GLYR1: variants seen among roughly 807,000 people sequenced by gnomAD.
GLYR1 encodes the protein glyoxylate reductase 1 homolog, also known as cytokine-like nuclear factor N-PAC.
A neutral mutation model predicts 72.7 loss-of-function variants in GLYR1; 21 were observed. That is an observed-to-expected ratio of 0.29 (90% CI 0.20 to 0.42). The LOEUF is 0.42. GLYR1 is among the 10% of genes least tolerant of loss of function. The pLI is 1.00. For synonymous variants in GLYR1, 392 were observed against 270.2 expected (o/e 1.45, Z -4.42); for missense variants, 594 against 712.1 (o/e 0.83, Z 1.89).
At chr16:4,806,307 G>T (rs1028445428) in intron 15 of GLYR1, among the ~76,000 whole-genome samples, 1 of 152,146 alleles carries the variant, frequency 6.6e-6, no homozygotes, top group Non-Finnish European at 1.5e-5. Context: ...AAATGCTTCT[G>T]TGTGGTTGCA....
intron 9 of GLYR1, among the ~76,000 whole-genome samples, chr16:4,820,841 A>G (rs2083967528): frequency 6.6e-6 from 1 of 152,222 alleles, no homozygotes; most frequent in South Asian, 2.1e-4. Context: ...CATGTCCAGG[A>G]TCGCCCCACC....
chr16:4,808,779 G>A lies in GLYR1; in HGVS notation c.1587+2391C>T, dbSNP rs368657189. Among the ~76,000 whole-genome samples, 93 of 151,676 alleles carry A rather than the reference G, an allele frequency of 6.1e-4. No individual in the cohort carries two copies. The South Asian group carries it at 0.017, about 27-fold the overall frequency. ...TTCTATGAAGATGAGCTAAGAAAGC[G>A]GAACTTCTACCCTAAAAAGCTTTTC... On this transcript the variant is annotated intron_variant, in intron 15 of 15. Coordinates refer to ENST00000321919, the MANE Select transcript of GLYR1 (RefSeq NM_032569.4).
chr16:4,812,111 C>G lies in GLYR1; in HGVS notation c.1257G>C (p.Ala419=), dbSNP rs368086572. ...CTAGGAAGAAGGAGGTCTTCCCCATCGCCTGGAAGCAGCTGCTGCAGTCCT... is the reference window on the plus strand; with the variant it reads ...CTAGGAAGAAGGAGGTCTTCCCCATGGCCTGGAAGCAGCTGCTGCAGTCCT... ...LYEDCSSCFQ[A]MGKTSFFLGE... The change falls in exon 13 of 16, where the codon GCG becomes GCC. Residue 419 remains alanine, a synonymous_variant. Transcript: ENST00000321919. 78 of 1,613,846 alleles carry G rather than the reference C, an allele frequency of 4.8e-5. No homozygotes were observed. Among genetic ancestry groups the G allele is most frequent in the Non-Finnish European group, 6.5e-5 (77 of 1,179,930 alleles).
At chr16:4,821,345 A>T (rs2084011724) in intron 9 of GLYR1, 35 bp downstream of exon 9, 1 of 1,608,328 alleles carries the variant, frequency 6.2e-7, no homozygotes. Context: ...CAGCAGAACC[A>T]GAGCCACTGG....
chr16:4,810,212 A>G (rs2083246320), intron 15 of GLYR1, among the ~76,000 whole-genome samples: 2 of 152,066 alleles, frequency 1.3e-5, no homozygotes, highest in South Asian at 4.2e-4. Flanking sequence ...AAAAGAACAA[A>G]GAGGCCAGAC....
rs532315366 is a variant in GLYR1 at position 4,810,135 on chromosome 16, T to C, written c.1587+1035A>G. On this transcript the variant is annotated intron_variant, in intron 15 of 15. Transcript: ENST00000321919. ...GGATTAGTGGACATTTAAAGATTTATATACTCATGTTATAAAGAAAGCAGG... is the reference window on the plus strand; with the variant it reads ...GGATTAGTGGACATTTAAAGATTTACATACTCATGTTATAAAGAAAGCAGG... Among the ~76,000 whole-genome samples, 5 of 152,296 alleles carry C rather than the reference T, an allele frequency of 3.3e-5. No individual in the cohort carries two copies. In the East Asian group the frequency reaches 9.6e-4, roughly 29 times the overall value.
At chr16:4,843,297 G>A (rs1191875847) in intron 3 of GLYR1, 2 of 239,626 alleles carry the variant, frequency 8.3e-6, no homozygotes, top group Admixed American at 1.1e-4. Flanking sequence ...TGGGATTACA[G>A]GTAGACGCCA....
chr16:4,838,244 T>C (rs1166927566), intron 3 of GLYR1, among the ~76,000 whole-genome samples: 1 of 152,042 alleles, frequency 6.6e-6, no homozygotes, highest in Non-Finnish European at 1.5e-5. Flanking sequence ...ATTAACCACA[T>C]ATTCTTCTAG....
At chr16:4,814,735 T>C (rs2083525829) in intron 10 of GLYR1, 88 bp from the exon 11 acceptor site, 3 of 1,079,862 alleles carry the variant, frequency 2.8e-6, no homozygotes, top group Non-Finnish European at 2.8e-6. Context: ...CCAGGCCTCC[T>C]GGCGGCCTAC....
intron 2 of GLYR1, among the ~76,000 whole-genome samples, chr16:4,845,710 G>A (rs545831824): frequency 6.6e-6 from 1 of 152,280 alleles, no homozygotes; most frequent in South Asian, 2.1e-4. Flanking sequence ...AAGCAATGAT[G>A]GATCACCTCA....
At chr16:4,806,597 G>C (rs900875201) in intron 15 of GLYR1, among the ~76,000 whole-genome samples, 2 of 151,308 alleles carry the variant, frequency 1.3e-5, no homozygotes, top group Non-Finnish European at 2.9e-5. Context: ...CAAACTCCTG[G>C]GCTTGCTTAA....
intron 12 of GLYR1, among the ~76,000 whole-genome samples, chr16:4,813,415 G>C (rs534741598): frequency 6.6e-6 from 1 of 152,310 alleles, no homozygotes; most frequent in Non-Finnish European, 1.5e-5. Flanking sequence ...TGCTCGGGGA[G>C]GAGGGATGCT....
chr16:4,820,948 T>C (rs966681544), intron 9 of GLYR1, among the ~76,000 whole-genome samples: 6 of 152,208 alleles, frequency 3.9e-5, no homozygotes, highest in Admixed American at 2.0e-4. Context: ...ATGGCCAATT[T>C]TGGGGCCTCA....
Position 4,845,594 on chromosome 16 carries a change from G to C in GLYR1, c.76-441C>G, listed in dbSNP as rs549776723. Among the ~76,000 whole-genome samples the C allele has an allele frequency of 6.1e-4, 93 of 151,932 alleles. No homozygotes were observed. The South Asian group carries it at 0.013, about 21-fold the overall frequency. Reference sequence around the variant, plus strand: ...GCAGGAAGGGTTGACACAGGACATAGTGAAAACAAAGGACAACCGAGGCAC... The same window carrying C: ...GCAGGAAGGGTTGACACAGGACATACTGAAAACAAAGGACAACCGAGGCAC... On this transcript the variant is annotated intron_variant, in intron 2 of 15. Coordinates refer to ENST00000321919, the MANE Select transcript of GLYR1 (RefSeq NM_032569.4).
rs754044423 is a variant in GLYR1 at position 4,832,885 on chromosome 16, C to T, written c.183G>A (p.Lys61=). 2 of 1,612,920 alleles carry T rather than the reference C, an allele frequency of 1.2e-6. No homozygotes were observed. Among genetic ancestry groups the T allele is most frequent in the Non-Finnish European group, 8.5e-7 (1 of 1,179,530 alleles). The part of the protein sequence containing the change: ...DHAWIKVEQL[K]PYHAHKEEMI... ...TTTCCTCTTTATGAGCATGATATGG[C>T]TTCAGCTGTTCCACTTTGATCCAGG... is the stretch of plus-strand genomic sequence containing the variant. Residue 61 remains lysine (K), a synonymous_variant, in exon 4 of 16, where the codon AAG becomes AAA. Coordinates refer to ENST00000321919, the MANE Select transcript of GLYR1 (RefSeq NM_032569.4).
intron 15 of GLYR1, among the ~76,000 whole-genome samples, chr16:4,809,965 C>G (rs935532303): frequency 6.6e-6 from 1 of 151,494 alleles, no homozygotes; most frequent in African/African-American, 2.4e-5. Context: ...ACAAAAAAAA[C>G]CCAATACAGG....
chr16:4,814,419 GGAAATTCA>G, intron 11 of GLYR1, 110 bp downstream of exon 11: 1 of 761,356 alleles, frequency 1.3e-6, no homozygotes, highest in Non-Finnish European at 2.3e-6. Flanking sequence ...GCCCCTGATG[GGAAATTCA>G]GCCCCCCACA....
intron 3 of GLYR1, among the ~76,000 whole-genome samples, chr16:4,835,513 C>T (rs2085070883): frequency 6.6e-6 from 1 of 152,136 alleles, no homozygotes; most frequent in African/African-American, 2.4e-5. Flanking sequence ...GAGAAGCATC[C>T]TGTTACATCA....
intron 9 of GLYR1, among the ~76,000 whole-genome samples, chr16:4,820,204 G>A (rs1229109531): frequency 1.3e-5 from 2 of 152,192 alleles, no homozygotes; most frequent in African/African-American, 4.8e-5. Flanking sequence ...GGCCAGGCTG[G>A]TCTTGAACTC....
Sources: allele counts gnomAD v4.1 joint callset (sites outside exome capture counted in the v4.1 genomes callset), GRCh38; gene constraint gnomAD v4.1.1; transcripts MANE v1.5; gene names NCBI Gene and HGNC (gene_info 2026-07-23, HGNC 2026-07-21).